CCDC85A: variants seen among roughly 807,000 people sequenced by gnomAD.
CCDC85A encodes the protein coiled-coil domain-containing protein 85A.
A neutral mutation model predicts 50.2 loss-of-function variants in CCDC85A; 38 were observed. That is an observed-to-expected ratio of 0.76 (90% CI 0.58 to 0.99). CCDC85A has a LOEUF of 0.99. CCDC85A is among the 50% of genes least tolerant of loss of function. CCDC85A has a pLI of 0.00. For missense variants in CCDC85A, 820 were observed against 742.0 expected, an observed-to-expected ratio of 1.11 and a Z score of -1.22; for synonymous variants, 366 against 301.4, an observed-to-expected ratio of 1.21 and a Z score of -2.22.
chr2:56,322,403 G>T (rs1046468844), intron 2 of CCDC85A, among the ~76,000 whole-genome samples: 1 of 152,094 alleles, frequency 6.6e-6, no homozygotes, highest in Non-Finnish European at 1.5e-5. Flanking sequence ...ATCTGACAAA[G>T]GGCTAGTATC....
chr2:56,233,561 T>G (rs768307910), intron 2 of CCDC85A, among the ~76,000 whole-genome samples: 4 of 152,268 alleles, frequency 2.6e-5, no homozygotes, highest in Non-Finnish European at 5.9e-5. Context: ...CCAATAAAAT[T>G]TATGTATACT....
At chr2:56,261,146 A>G (rs1670200227) in intron 2 of CCDC85A, among the ~76,000 whole-genome samples, 1 of 152,204 alleles carries the variant, frequency 6.6e-6, no homozygotes, top group Non-Finnish European at 1.5e-5. Flanking sequence ...CAACTTTCTC[A>G]TCTCTTAAGT....
At chr2:56,232,992 C>T (rs1668839836) in intron 2 of CCDC85A, among the ~76,000 whole-genome samples, 1 of 152,184 alleles carries the variant, frequency 6.6e-6, no homozygotes, top group African/African-American at 2.4e-5. Context: ...TGCTCCAGCC[C>T]ACATTGTCCC....
intron 2 of CCDC85A, among the ~76,000 whole-genome samples, chr2:56,337,570 C>G (rs1233929601): frequency 2.0e-5 from 3 of 152,122 alleles, no homozygotes; most frequent in Non-Finnish European, 2.9e-5. Context: ...TGGCCCAGGT[C>G]CATCTGTGGC....
At chr2:56,249,356 C>T (rs754214559) in intron 2 of CCDC85A, among the ~76,000 whole-genome samples, 2 of 152,230 alleles carry the variant, frequency 1.3e-5, no homozygotes, top group Non-Finnish European at 2.9e-5. Flanking sequence ...TTGCCAGGGA[C>T]ACTTATTGGC....
rs1033558142 is a variant in CCDC85A, at chr2:56,259,995, G to A, written c.1240+66555G>A. 1.5e-4 allele frequency among the ~76,000 whole-genome samples: 23 copies of A among 152,292 alleles called. 2 individuals carry two copies. The highest frequency in any genetic ancestry group is 1.3e-3 in the Admixed American group (20 of 15,290). ...ACTTCATTGGCTATCCTGCTAAAGT[G>A]TTGTCATATTTGAATAGGGGGATTT... On this transcript the variant is annotated intron_variant, in intron 2 of 5. Coordinates refer to ENST00000407595, the MANE Select transcript of CCDC85A (RefSeq NM_001080433.2).
chr2:56,329,954 T>TTG (rs1673693949), intron 2 of CCDC85A, among the ~76,000 whole-genome samples: 3 of 84,944 alleles, frequency 3.5e-5, no homozygotes, highest in Non-Finnish European at 6.4e-5. Context: ...TGTTTTTTTT[T>TTG]TTTTTTTTTT....
At chr2:56,269,334 G>GGTGTGT (rs70955014) in intron 2 of CCDC85A, among the ~76,000 whole-genome samples, 18,300 of 149,202 alleles carry the variant, frequency 0.12, 1,257 homozygotes, top group East Asian at 0.22. Context: ...CCTTGGCAAG[G>GGTGTGT]GTGTGTGTGT....
chr2:56,236,664 G>A (rs1391103559), intron 2 of CCDC85A, among the ~76,000 whole-genome samples: 1 of 152,070 alleles, frequency 6.6e-6, no homozygotes, highest in African/African-American at 2.4e-5. Flanking sequence ...AGTATCAAGG[G>A]GTGATAACTC....
At chr2:56,317,632 G>A (rs114533333) in intron 2 of CCDC85A, among the ~76,000 whole-genome samples, 1 of 151,986 alleles carries the variant, frequency 6.6e-6, no homozygotes, top group Non-Finnish European at 1.5e-5. Context: ...ACTGAAAAAG[G>A]GTGCTTATTT....
chr2:56,342,912 C>T lies in CCDC85A; in HGVS notation c.1274C>T (p.Ala425Val), dbSNP rs376064938. Residue 425 changes from alanine to valine, a missense_variant, in exon 3 of 6, where the codon GCA becomes GTA. Ala to Val is a moderately conservative substitution (Grantham distance 64). Transcript: ENST00000407595. ...TTGTCCTATGTTAGGCAGCTGGAGGCAAGAGTAAGACAGCTGGAGGAAGAA... is the reference window on the plus strand; with the variant it reads ...TTGTCCTATGTTAGGCAGCTGGAGGTAAGAGTAAGACAGCTGGAGGAAGAA... The part of the protein sequence containing the change: ...STLSYVRQLE[A>V]RVRQLEEENR... The T allele has an allele frequency of 3.6e-5, 57 of 1,597,036 alleles. No homozygotes were observed. Among genetic ancestry groups the T allele is most frequent in the Non-Finnish European group, 4.4e-5 (51 of 1,170,984 alleles).
chr2:56,359,239 C>A (rs1478288851), intron 3 of CCDC85A, among the ~76,000 whole-genome samples: 1 of 152,118 alleles, frequency 6.6e-6, no homozygotes, highest in Non-Finnish European at 1.5e-5. Flanking sequence ...GTGATTTAAC[C>A]AGTGGTAGTT....
chr2:56,337,786 T>C (rs559951087), intron 2 of CCDC85A, among the ~76,000 whole-genome samples: 4 of 151,952 alleles, frequency 2.6e-5, no homozygotes, highest in East Asian at 3.9e-4. Context: ...GGCTCCTTTT[T>C]TTTTTCTTTT....
chr2:56,184,319 T>G lies in CCDC85A; in HGVS notation c.-306T>G. 2 of 599,820 alleles carry G rather than the reference T, an allele frequency of 3.3e-6. No homozygotes were observed. Among genetic ancestry groups the G allele is most frequent in the Non-Finnish European group, 4.5e-6 (2 of 447,236 alleles). The allele number at this position is 599,820 out of a possible 1,614,324, so 37.2% of individuals were successfully genotyped here. On this transcript the variant is annotated 5_prime_UTR_variant, in exon 1 of 6. It adds an upstream start codon to the 5' untranslated region. Coordinates refer to ENST00000407595, the MANE Select transcript of CCDC85A (RefSeq NM_001080433.2). ...CAGCTCCCCCGCTGTCCCCGAGGAT[T>G]TCCCGCGGCAGCCCCGGGCTCCCCA...
At chr2:56,252,690 C>T (rs1410937582) in intron 2 of CCDC85A, among the ~76,000 whole-genome samples, 1 of 152,110 alleles carries the variant, frequency 6.6e-6, no homozygotes, top group East Asian at 1.9e-4. Context: ...TATCCCTCCT[C>T]GGGCCCCCCC....
intron 2 of CCDC85A, among the ~76,000 whole-genome samples, chr2:56,316,086 T>C (rs1183067777): frequency 6.6e-6 from 1 of 152,090 alleles, no homozygotes; most frequent in Non-Finnish European, 1.5e-5. Context: ...GAACATAGTG[T>C]CAAGGTTATC....
At chr2:56,305,928 T>G (rs541558252) in intron 2 of CCDC85A, among the ~76,000 whole-genome samples, 1 of 152,316 alleles carries the variant, frequency 6.6e-6, no homozygotes, top group East Asian at 1.9e-4. Context: ...ACACATTTCT[T>G]TTTAATTGAA....
At chr2:56,333,108 C>G (rs1344294917) in intron 2 of CCDC85A, among the ~76,000 whole-genome samples, 1 of 152,068 alleles carries the variant, frequency 6.6e-6, no homozygotes, top group African/African-American at 2.4e-5. Context: ...AATATATGAA[C>G]AAGCTAATGT....
intron 2 of CCDC85A, among the ~76,000 whole-genome samples, chr2:56,239,829 G>A (rs17047680): frequency 0.25 from 37,552 of 151,974 alleles, 5,381 homozygotes; most frequent in African/African-American, 0.38. Flanking sequence ...TCCCTTGAAA[G>A]GCTTCTGAAA....
Sources: gnomAD v4.1 joint callset for allele counts (sites outside exome capture counted in the v4.1 genomes callset) on GRCh38, gnomAD v4.1.1 for gene constraint, MANE v1.5 for transcripts, NCBI Gene and HGNC (gene_info 2026-07-23, HGNC 2026-07-21) for gene names.